The following AKAP11 variants were observed in gnomAD, a reference collection of about 807,000 sequenced individuals.
AKAP11 encodes the protein A-kinase anchoring protein 11.
In AKAP11, 36 loss-of-function variants were observed where a neutral mutation model predicts 146.1. That is an observed-to-expected ratio of 0.25 (90% CI 0.19 to 0.33). The LOEUF is 0.33. Ranked by LOEUF, AKAP11 falls within the 10% of genes least tolerant of loss-of-function variation. The pLI is 1.00. For missense variants in AKAP11, 2,201 were observed against 2,197.0 expected (o/e 1.00, Z -0.04); for synonymous variants, 780 against 786.5 (o/e 0.99, Z 0.14).
chr13:42,272,405 A>C (rs985831136), intron 1 of AKAP11, among the ~76,000 whole-genome samples, 177 bp downstream of exon 1: 3 of 151,870 alleles, frequency 2.0e-5, no homozygotes, highest in Non-Finnish European at 4.4e-5. Context: ...TGGCGGAGGG[A>C]GGAGGGCGGG....
intron 4 of AKAP11, among the ~76,000 whole-genome samples, chr13:42,294,853 T>G (rs1959417967): frequency 6.6e-6 from 1 of 152,234 alleles, no homozygotes; most frequent in Non-Finnish European, 1.5e-5. Flanking sequence ...GCTTATAGTT[T>G]GGTGTATTGC....
chr13:42,294,983 A>C (rs9594724), intron 4 of AKAP11, among the ~76,000 whole-genome samples: 1 of 152,086 alleles, frequency 6.6e-6, no homozygotes, highest in Non-Finnish European at 1.5e-5. Context: ...TTCTTCATGC[A>C]TTAGGTATTC....
chr13:42,305,727 C>T (rs1236545683), intron 8 of AKAP11, among the ~76,000 whole-genome samples: 1 of 152,098 alleles, frequency 6.6e-6, no homozygotes, highest in Non-Finnish European at 1.5e-5. Flanking sequence ...CTATGTACTT[C>T]CTGTTTGGCC....
Position 42,321,820 on chromosome 13 carries a change from G to A in AKAP11, c.*2592G>A, listed in dbSNP as rs1961099620. The stretch of plus-strand genomic sequence containing the variant: ...GTACATTTTGGCCCTTACGAAATAC[G>A]TCTTTTTCAGAACTGTTAAAGTTTT... On this transcript the variant is annotated 3_prime_UTR_variant, in exon 13 of 13. Transcript: ENST00000025301. 2 of 152,272 alleles carry A rather than the reference G, an allele frequency of 1.3e-5. No homozygotes were observed. The highest frequency in any genetic ancestry group is 1.3e-4 in the Admixed American group (2 of 15,286). 9.4% of individuals were successfully genotyped at this position (152,272 alleles called of 1,614,324 possible).
At chr13:42,274,423 C>T (rs1958862600) in intron 1 of AKAP11, among the ~76,000 whole-genome samples, 1 of 152,220 alleles carries the variant, frequency 6.6e-6, no homozygotes, top group Admixed American at 6.5e-5. Flanking sequence ...GTGCCTTACA[C>T]TTGTAATCCC....
rs1449313480 is a variant in AKAP11, at chr13:42,303,718, G to A, written c.4972G>A (p.Ala1658Thr). 2.5e-6 allele frequency: 4 copies of A among 1,614,036 alleles called. No homozygotes were observed. Among genetic ancestry groups the A allele is most frequent in the Non-Finnish European group, 8.5e-7 (1 of 1,180,032 alleles). ...GCTTGCTGAGAAGATAGTTGCTGAA[G>A]CCATTGAAAAAGCTGAGCGAGAGCT... ...AVLAEKIVAEAIEKAERELSS... is the reference protein window; with the variant it reads ...AVLAEKIVAETIEKAERELSS... Residue 1658 changes from alanine to threonine, a missense_variant, in exon 8 of 13, where the codon GCC becomes ACC. Ala to Thr is a moderately conservative substitution (Grantham distance 58, BLOSUM62 0). This residue lies in a region of AKAP11 where 1,867 missense variants were observed against 1,833.5 expected (regional missense o/e 1.02). Transcript: ENST00000025301.
rs1960883385 is a variant in AKAP11 at position 42,317,607 on chromosome 13, T to G, written c.5484T>G (p.Ile1828Met). ...EPCTVDPQLR[I>M]ILQWLIASEA... ...GCACGGTAGACCCCCAGCTAAGGAT[T>G]ATTCTTCAGTGGCTCATTGCCTCTG... Residue 1828 changes from isoleucine to methionine, a missense_variant, in exon 12 of 13, where the codon ATT (isoleucine) becomes ATG (methionine). Physicochemically the swap from Ile to Met is conservative, Grantham distance 10. Coordinates refer to ENST00000025301, the MANE Select transcript of AKAP11 (RefSeq NM_016248.4). The G allele has an allele frequency of 1.2e-6, 2 of 1,614,088 alleles. No individual in the cohort carries two copies. Among genetic ancestry groups the G allele is most frequent in the Admixed American group, 1.7e-5 (1 of 60,000 alleles).
At chr13:42,274,401 G>C (rs989759541) in intron 1 of AKAP11, among the ~76,000 whole-genome samples, 3 of 152,122 alleles carry the variant, frequency 2.0e-5, no homozygotes, top group African/African-American at 7.2e-5. Context: ...AAATACTTCT[G>C]GGCCAGGCTT....
At chr13:42,295,193 G>T (rs1959433752) in intron 4 of AKAP11, among the ~76,000 whole-genome samples, 1 of 152,224 alleles carries the variant, frequency 6.6e-6, no homozygotes. Context: ...AAGGAAGAGA[G>T]ATCCAGATTG....
At chr13:42,278,629 T>C (rs932484945) in intron 1 of AKAP11, among the ~76,000 whole-genome samples, 1 of 152,214 alleles carries the variant, frequency 6.6e-6, no homozygotes, top group African/African-American at 2.4e-5. Flanking sequence ...ATGTCTGTCT[T>C]AAACCCTCTA....
At position 42,301,953 on chromosome 13, in the gene AKAP11, A is replaced by C. The variant is rs756556624; in HGVS notation, c.3207A>C (p.Ser1069=). 1 of 1,614,164 alleles carries C rather than the reference A, an allele frequency of 6.2e-7. No individual in the cohort carries two copies. The highest frequency in any genetic ancestry group is 1.1e-5 in the South Asian group (1 of 91,080). Residue 1069 remains serine (S), a synonymous_variant, in exon 8 of 13, where the codon TCA becomes TCC. Coordinates refer to ENST00000025301, the MANE Select transcript of AKAP11 (RefSeq NM_016248.4). The part of the protein sequence containing the change: ...SFGQENPFPH[S]HTFSSTALTC... ...GACAGGAAAACCCCTTTCCTCATTC[A>C]CATACTTTCTCATCTACAGCACTTA...
In AKAP11 at chr13:42,298,583, A is replaced by G. The variant is rs2273952; in HGVS notation, c.402A>G (p.Pro134=). Residue 134 remains proline, a synonymous_variant, in exon 7 of 13, where the codon CCA becomes CCG. Coordinates refer to ENST00000025301, the MANE Select transcript of AKAP11 (RefSeq NM_016248.4). The part of the protein sequence containing the change: ...LCVMRVSPTS[P]RLRIDFIFSL... ...TCATGAGAGTGTCACCTACATCACC[A>G]AGACTTAGGATTGATTTTATCTTTA... is the stretch of plus-strand genomic sequence containing the variant. The G allele has an allele frequency of 0.14, 232,400 of 1,610,872 alleles. 17,496 individuals are homozygous for G. The highest frequency in any genetic ancestry group is 0.17 in the South Asian group (15,630 of 90,564).
intron 3 of AKAP11, among the ~76,000 whole-genome samples, chr13:42,291,092 TTAGAC>T (rs1277894257): frequency 1.3e-5 from 2 of 152,152 alleles, no homozygotes; most frequent in Non-Finnish European, 2.9e-5. Context: ...TTTGTACCTC[TTAGAC>T]TAAAGATTTC....
intron 2 of AKAP11, 21 bp from the exon 3 acceptor site, chr13:42,286,279 G>T: frequency 9.9e-7 from 1 of 1,009,852 alleles, no homozygotes; most frequent in Middle Eastern, 2.4e-4. Context: ...TAAATAAGTT[G>T]TTTTAATATG....
At chr13:42,293,203 T>A (rs1225697393) in intron 4 of AKAP11, among the ~76,000 whole-genome samples, 2 of 152,176 alleles carry the variant, frequency 1.3e-5, no homozygotes, top group Non-Finnish European at 2.9e-5. Context: ...AAAATCGTGG[T>A]TATAGATAGA....
rs928862328 is a variant in AKAP11 at position 42,320,257 on chromosome 13, A to G, written c.*1029A>G. On this transcript the variant is annotated 3_prime_UTR_variant, in exon 13 of 13. Transcript: ENST00000025301. ...ATTTTTGAAAAAACCTCTACCAAGA[A>G]TGTGGTGTTTTTTTTGTTTGTTTGT... 1 of 147,734 alleles carries G rather than the reference A, an allele frequency of 6.8e-6. No homozygotes were observed. The allele number at this position is 147,734 out of a possible 1,614,324, so 9.2% of individuals were successfully genotyped here. A position where few individuals can be genotyped will look rare whatever the true frequency, so the allele number is the denominator to read the frequency against.
In AKAP11 at chr13:42,303,444, C is replaced by T. The variant is rs144943650; in HGVS notation, c.4698C>T (p.Thr1566=). The change falls in exon 8 of 13, where the codon ACC becomes ACT. Residue 1566 remains threonine, a synonymous_variant. Coordinates refer to ENST00000025301, the MANE Select transcript of AKAP11 (RefSeq NM_016248.4). The part of the protein sequence containing the change: ...LGSTVFRVSE[T]TKSADRVTYA... The stretch of plus-strand genomic sequence containing the variant: ...CTACAGTGTTCCGAGTGTCTGAGAC[C>T]ACAAAATCAGCAGACAGGGTCACTT... The T allele has an allele frequency of 8.8e-4, 1,418 of 1,614,088 alleles. 5 individuals are homozygous for T. Among genetic ancestry groups the T allele is most frequent in the Non-Finnish European group, 4.9e-4 (581 of 1,180,012 alleles).
Position 42,300,727 on chromosome 13 carries a change from G to A in AKAP11, c.1981G>A (p.Glu661Lys). 1.2e-6 allele frequency: 2 copies of A among 1,614,082 alleles called. No individual in the cohort carries two copies. Among genetic ancestry groups the A allele is most frequent in the Non-Finnish European group, 1.7e-6 (2 of 1,179,952 alleles). Residue 661 changes from glutamate (E) to lysine (K), a missense_variant, in exon 8 of 13, where the codon GAG becomes AAG. Transcript: ENST00000025301. Reference protein sequence around the residue: ...AEELVFEGIMEVCQFSYPQTP... With the variant: ...AEELVFEGIMKVCQFSYPQTP... ...AGAGCTTGTTTTTGAAGGCATCATG[G>A]AGGTGTGTCAGTTTTCATATCCTCA...
intron 8 of AKAP11, among the ~76,000 whole-genome samples, chr13:42,304,280 G>A (rs1486576919): frequency 6.6e-6 from 1 of 152,212 alleles, no homozygotes; most frequent in African/African-American, 2.4e-5. Context: ...TAAGTTGCAT[G>A]TTCTGAGTAG....
Sources: gnomAD v4.1 joint callset for allele counts (sites outside exome capture counted in the v4.1 genomes callset) on GRCh38, gnomAD v4.1.1 for gene constraint, gnomAD v4.1.1 regional missense constraint, MANE v1.5 for transcripts, NCBI Gene and HGNC (gene_info 2026-07-23, HGNC 2026-07-21) for gene names.